COPG2: variants seen among roughly 807,000 people sequenced by gnomAD.
The protein encoded by COPG2 is coatomer subunit gamma-2.
A neutral mutation model predicts 46.3 loss-of-function variants in COPG2; 37 were observed. That is an observed-to-expected ratio of 0.80 (90% CI 0.61 to 1.05). COPG2 has a LOEUF of 1.05. COPG2 is among the 50% of genes least tolerant of loss of function. The pLI is 0.00. For missense variants in COPG2, 427 were observed against 387.8 expected (o/e 1.10, Z -0.85); for synonymous variants, 159 against 129.7 (o/e 1.23, Z -1.53).
chr7:130,575,091 T>G (rs907581810), intron 9 of COPG2, among the ~76,000 whole-genome samples: 9 of 152,110 alleles, frequency 5.9e-5, no homozygotes, highest in Admixed American at 6.5e-5. Context: ...TCGATGTTCC[T>G]AAGGAAGAAG....
chr7:130,643,250 G>A (rs1452217995), intron 5 of COPG2, among the ~76,000 whole-genome samples: 5 of 150,814 alleles, frequency 3.3e-5, no homozygotes, highest in South Asian at 4.2e-4. Context: ...AGCCAAGATC[G>A]CGCCACTGCA....
chr7:130,567,262 G>C (rs1364529012), intron 9 of COPG2, among the ~76,000 whole-genome samples: 3 of 152,120 alleles, frequency 2.0e-5, no homozygotes, highest in Non-Finnish European at 4.4e-5. Context: ...GGTGGGAGAG[G>C]ATGAGGATAA....
At chr7:130,662,166 T>C (rs1795993199) in intron 4 of COPG2, among the ~76,000 whole-genome samples, 1 of 152,170 alleles carries the variant, frequency 6.6e-6, no homozygotes, top group African/African-American at 2.4e-5. Flanking sequence ...CCTTTGCCTG[T>C]AGAGTATATA....
At chr7:130,614,367 T>C (rs1400973088) in intron 6 of COPG2, among the ~76,000 whole-genome samples, 1 of 152,252 alleles carries the variant, frequency 6.6e-6, no homozygotes, top group African/African-American at 2.4e-5. Context: ...GCATTTCTAT[T>C]ACTCCTTCTA....
rs1793655722 is a variant in COPG2, at chr7:130,557,840, C to CAAAAAAAAAAAA, written c.1129-2709_1129-2708insTTTTTTTTTTTT. On this transcript the variant is annotated intron_variant, in intron 12 of 23. Transcript: ENST00000425248. Reference sequence around the variant, plus strand: ...CTCAAAAAAAAAAAAAAAAAAAAATCATGCAAGAATAGCCAGGAAAACAAT... The same window carrying CAAAAAAAAAAAA: ...CTCAAAAAAAAAAAAAAAAAAAAATCAAAAAAAAAAAAATGCAAGAATAGCCAGGAAAACAAT... Among the ~76,000 whole-genome samples, 11 of 22,428 alleles carry CAAAAAAAAAAAA rather than the reference C, an allele frequency of 4.9e-4. 2 individuals are homozygous for CAAAAAAAAAAAA. Among genetic ancestry groups the CAAAAAAAAAAAA allele is most frequent in the African/African-American group, 1.7e-3 (10 of 5,856 alleles). 14.7% of individuals were successfully genotyped at this position (22,428 alleles called of 152,430 possible). A position where few individuals can be genotyped will look rare whatever the true frequency, so the allele number is the denominator to read the frequency against.
intron 20 of COPG2, among the ~76,000 whole-genome samples, chr7:130,526,763 C>A (rs1216583999): frequency 6.9e-6 from 1 of 144,124 alleles, no homozygotes; most frequent in African/African-American, 2.6e-5. Flanking sequence ...AAGCCTTGAA[C>A]TTTGTTGCAA....
At chr7:130,595,394 G>C (rs1316023967) in intron 9 of COPG2, among the ~76,000 whole-genome samples, 1 of 152,172 alleles carries the variant, frequency 6.6e-6, no homozygotes, top group African/African-American at 2.4e-5. Flanking sequence ...TGGGTTGGGT[G>C]CTTTCTTTGT....
intron 14 of COPG2, among the ~76,000 whole-genome samples, chr7:130,553,325 GT>G (rs1793562452): frequency 6.6e-6 from 1 of 151,786 alleles, no homozygotes; most frequent in Non-Finnish European, 1.5e-5. Context: ...ACATTTGAAA[GT>G]CCCCCCCGCC....
At chr7:130,631,093 G>A (rs781896701) in intron 5 of COPG2, among the ~76,000 whole-genome samples, 7 of 151,852 alleles carry the variant, frequency 4.6e-5, no homozygotes, top group Non-Finnish European at 1.0e-4. Flanking sequence ...TTATTGATAT[G>A]GTTGGGTTGG....
Position 130,666,899 on chromosome 7 carries a change from G to A in COPG2, c.121C>T (p.Pro41Ser). 6.4e-7 allele frequency: 1 copy of A among 1,566,060 alleles called. No individual in the cohort carries two copies. Among genetic ancestry groups the A allele is most frequent in the Non-Finnish European group, 8.7e-7 (1 of 1,146,990 alleles). Residue 41 changes from proline to serine, a missense_variant, in exon 3 of 24, where the codon CCA (proline) becomes TCA (serine). Physicochemically the swap from Pro to Ser is moderately conservative, Grantham distance 74. Coordinates refer to ENST00000425248, the MANE Select transcript of COPG2 (RefSeq NM_012133.6). Reference sequence around the variant, plus strand: ...GTAAGAATATGCAAACATCTTCTTGGATTGATTGGAGTTTCATTGAATATA... The same window carrying A: ...GTAAGAATATGCAAACATCTTCTTGAATTGATTGGAGTTTCATTGAATATA... ...ARIFNETPIN[P>S]RRCLHILTKI...
At chr7:130,598,500 C>G (rs917441667) in intron 9 of COPG2, among the ~76,000 whole-genome samples, 3 of 152,192 alleles carry the variant, frequency 2.0e-5, no homozygotes, top group Non-Finnish European at 4.4e-5. Flanking sequence ...TGGGATACAT[C>G]CTAAGCCCAG....
intron 20 of COPG2, among the ~76,000 whole-genome samples, chr7:130,536,095 G>C (rs901497120): frequency 2.6e-5 from 4 of 152,022 alleles, no homozygotes; most frequent in African/African-American, 7.2e-5. Flanking sequence ...TATTAGATGG[G>C]TCAGGGCATA....
chr7:130,600,297 G>A (rs145959485), intron 9 of COPG2, among the ~76,000 whole-genome samples: 29,450 of 152,158 alleles, frequency 0.19, 3,043 homozygotes, highest in Middle Eastern at 0.25. Flanking sequence ...CAGAGACGCT[G>A]TCACCCAGGC....
In COPG2 at chr7:130,513,311, ATATATATATAT is replaced by A. The variant is rs1563034031; in HGVS notation, c.2150-4663_2150-4653del. On this transcript the variant is annotated intron_variant, in intron 20 of 23. Transcript: ENST00000425248. The stretch of plus-strand genomic sequence containing the variant: ...TGTCTAAAAAAAAAAAAAAAAAAAT[ATATATATATAT>A]ATATATATATATATATATATGTGTG... Among the ~76,000 whole-genome samples the A allele has an allele frequency of 2.1e-4, 9 of 42,198 alleles. No individual in the cohort carries two copies. The East Asian group carries it at 2.2e-3, about 10-fold the overall frequency. 27.7% of individuals were successfully genotyped at this position (42,198 alleles called of 152,430 possible).
Position 130,613,020 on chromosome 7 carries a change from C to T in COPG2, c.492+524G>A, listed in dbSNP as rs530713149. ...AGATTTCCAAAACCTTTCAAACATA[C>T]GAACATTTTATGTTTTTAATTGCTC... On this transcript the variant is annotated intron_variant, in intron 7 of 23. Transcript: ENST00000425248. Among the ~76,000 whole-genome samples, 11 of 152,250 alleles carry T rather than the reference C, an allele frequency of 7.2e-5. No individual in the cohort carries two copies. The South Asian group carries it at 1.4e-3, about 20-fold the overall frequency.
intron 11 of COPG2, 115 bp downstream of exon 11, chr7:130,563,154 A>T: frequency 5.2e-6 from 2 of 384,610 alleles, no homozygotes; most frequent in Non-Finnish European, 9.2e-6. Flanking sequence ...AGTGTTGTAG[A>T]GGTGAAGCCC....
intron 2 of COPG2, 67 bp from the exon 3 acceptor site, chr7:130,666,996 C>CAGCAGCCCAGGGA: frequency 1.3e-6 from 1 of 790,144 alleles, no homozygotes; most frequent in Admixed American, 3.1e-5. Context: ...AGCAAATCAA[C>CAGCAGCCCAGGGA]TTTAATACAG....
At chr7:130,615,250 GCCA>G (rs1794930269) in intron 6 of COPG2, among the ~76,000 whole-genome samples, 1 of 152,170 alleles carries the variant, frequency 6.6e-6, no homozygotes, top group South Asian at 2.1e-4. Flanking sequence ...TATACTTATA[GCCA>G]CCAAGTGAAC....
intron 9 of COPG2, among the ~76,000 whole-genome samples, chr7:130,607,071 T>C (rs1021660105): frequency 2.0e-5 from 3 of 151,862 alleles, no homozygotes; most frequent in African/African-American, 7.3e-5. Context: ...CGGAACCCCA[T>C]CTCTACAAAA....
Sources: allele counts gnomAD v4.1 joint callset (sites outside exome capture counted in the v4.1 genomes callset), GRCh38; gene constraint gnomAD v4.1.1; transcripts MANE v1.5; gene names NCBI Gene and HGNC (gene_info 2026-07-23, HGNC 2026-07-21).